Variants in CYYR1 observed in about 807,000 individuals in gnomAD.
The protein encoded by CYYR1 is cysteine and tyrosine rich 1.
CYYR1 carries 14 observed loss-of-function variants against 15.2 expected under a neutral mutation model. The observed-to-expected ratio is 0.92, with a 90% CI of 0.61 to 1.44. The LOEUF is 1.44. Ranked by LOEUF, CYYR1 falls within the 40% of genes most tolerant of loss-of-function variation. CYYR1 has a pLI of 0.00. For missense variants in CYYR1, 228 were observed against 209.5 expected (o/e 1.09, Z -0.54); for synonymous variants, 80 against 77.4 (o/e 1.03, Z -0.18).
intron 2 of CYYR1, among the ~76,000 whole-genome samples, chr21:26,540,568 G>A (rs1978480830): frequency 6.6e-6 from 1 of 152,072 alleles, no homozygotes; most frequent in African/African-American, 2.4e-5. Flanking sequence ...CACGCATGGG[G>A]CATACTCCCA....
intron 3 of CYYR1, chr21:26,471,787 G>A (rs1157187373): frequency 6.6e-6 from 1 of 152,120 alleles, no homozygotes; most frequent in African/African-American, 2.4e-5. Context: ...AAAGTTGTAT[G>A]TATGCAGCTG....
intron 2 of CYYR1, among the ~76,000 whole-genome samples, chr21:26,534,251 G>A (rs180803909): frequency 2.2e-4 from 34 of 152,250 alleles, no homozygotes; most frequent in Admixed American, 5.2e-4. Context: ...TTTTATTTGC[G>A]TAATAAGGGC....
intron 3 of CYYR1, among the ~76,000 whole-genome samples, chr21:26,470,247 C>T (rs1477831308): frequency 1.3e-5 from 2 of 152,096 alleles, no homozygotes; most frequent in African/African-American, 4.8e-5. Flanking sequence ...ATTGCTTTTG[C>T]AAACGAACCT....
chr21:26,534,592 A>T (rs116536673), intron 2 of CYYR1, among the ~76,000 whole-genome samples: 3 of 152,140 alleles, frequency 2.0e-5, no homozygotes, highest in African/African-American at 7.2e-5. Context: ...CGCTCTCAGT[A>T]TCGTTGCCAC....
chr21:26,512,211 T>A (rs371934856), intron 2 of CYYR1, among the ~76,000 whole-genome samples: 30 of 152,210 alleles, frequency 2.0e-4, no homozygotes, highest in East Asian at 5.8e-4. Flanking sequence ...TTATTTATTT[T>A]TTTTTGAGAC....
chr21:26,515,833 A>G (rs115725300), intron 2 of CYYR1, among the ~76,000 whole-genome samples: 85 of 152,368 alleles, frequency 5.6e-4, no homozygotes, highest in African/African-American at 2.0e-3. Context: ...AAAAAAAGGC[A>G]TAAGTGAAAT....
intron 1 of CYYR1, among the ~76,000 whole-genome samples, chr21:26,571,381 A>C (rs1460061195): frequency 2.6e-5 from 4 of 152,276 alleles, no homozygotes; most frequent in African/African-American, 9.6e-5. Flanking sequence ...AAAACTTTCT[A>C]AACTAACCAC....
chr21:26,544,990 A>G (rs1277286163), intron 2 of CYYR1, among the ~76,000 whole-genome samples: 1 of 152,086 alleles, frequency 6.6e-6, no homozygotes, highest in Admixed American at 6.5e-5. Flanking sequence ...TTATGATTTG[A>G]GTATAAAATG....
intron 2 of CYYR1, among the ~76,000 whole-genome samples, chr21:26,496,726 A>G (rs1195646393): frequency 6.6e-6 from 1 of 152,204 alleles, no homozygotes; most frequent in East Asian, 1.9e-4. Flanking sequence ...CTAGCAAGCT[A>G]GAAATTTCCA....
intron 2 of CYYR1, among the ~76,000 whole-genome samples, chr21:26,483,023 C>T (rs2065203454): frequency 6.6e-6 from 1 of 151,980 alleles, no homozygotes; most frequent in Non-Finnish European, 1.5e-5. Flanking sequence ...CTTCTGGAAA[C>T]TCATTCTGAA....
intron 2 of CYYR1, chr21:26,564,597 T>A (rs1569180187): frequency 3.7e-6 from 3 of 802,740 alleles, no homozygotes; most frequent in Non-Finnish European, 4.5e-6. Flanking sequence ...CAAGTACATC[T>A]ATAAATTCAA....
intron 3 of CYYR1, among the ~76,000 whole-genome samples, chr21:26,475,791 T>C (rs2065095276): frequency 1.3e-5 from 2 of 152,178 alleles, no homozygotes; most frequent in South Asian, 4.1e-4. Context: ...TTGAATTCTC[T>C]GATTTGTACT....
intron 1 of CYYR1, among the ~76,000 whole-genome samples, chr21:26,570,314 C>A (rs1980928376): frequency 1.3e-5 from 2 of 152,166 alleles, no homozygotes; most frequent in South Asian, 4.1e-4. Context: ...ACCCCTGACT[C>A]CCAACTCACC....
At chr21:26,564,922 C>T (rs1256572823) in intron 2 of CYYR1, 3 of 561,548 alleles carry the variant, frequency 5.3e-6, no homozygotes, top group Non-Finnish European at 7.4e-6. Flanking sequence ...CCACTGTAAA[C>T]ATCATTATAT....
intron 2 of CYYR1, among the ~76,000 whole-genome samples, chr21:26,508,140 T>G (rs1162105143): frequency 6.6e-6 from 1 of 152,210 alleles, no homozygotes; most frequent in Non-Finnish European, 1.5e-5. Context: ...TGAGAGGGCA[T>G]GGCATTTGCA....
At chr21:26,552,128 G>A (rs1979435313) in intron 2 of CYYR1, 2 of 152,206 alleles carry the variant, frequency 1.3e-5, no homozygotes, top group East Asian at 3.9e-4. Context: ...TAAAATTAAG[G>A]TATGTACATT....
intron 1 of CYYR1, among the ~76,000 whole-genome samples, chr21:26,570,019 A>G (rs1323947545): frequency 1.3e-5 from 2 of 152,224 alleles, no homozygotes; most frequent in Admixed American, 1.3e-4. Flanking sequence ...AAATACATTT[A>G]CAATCACAAC....
intron 2 of CYYR1, among the ~76,000 whole-genome samples, chr21:26,517,069 C>A (rs569323341): frequency 0.011 from 1,340 of 126,424 alleles, 13 homozygotes; most frequent in Middle Eastern, 0.08. Context: ...GAGCCGAGAT[C>A]GCGCCACTGC....
At chr21:26,539,488 G>A (rs1186160785) in intron 2 of CYYR1, among the ~76,000 whole-genome samples, 1 of 152,110 alleles carries the variant, frequency 6.6e-6, no homozygotes, top group East Asian at 1.9e-4. Context: ...ATGCATCAGG[G>A]TTGGAGAAAG....
Sources: allele counts gnomAD v4.1 joint callset (sites outside exome capture counted in the v4.1 genomes callset), GRCh38; gene constraint gnomAD v4.1.1; transcripts MANE v1.5; gene names NCBI Gene and HGNC (gene_info 2026-07-23, HGNC 2026-07-21).